PCDHGB3: variants seen among roughly 807,000 people sequenced by gnomAD.
PCDHGB3 encodes protocadherin gamma subfamily B, 3.
In PCDHGB3, 40 loss-of-function variants were observed where a neutral mutation model predicts 59.2. The observed-to-expected ratio is 0.68, with a 90% CI of 0.52 to 0.88. The LOEUF (loss-of-function observed/expected upper bound fraction) is 0.88, where lower values mean the gene tolerates loss of function less well. Among genes scored for constraint, PCDHGB3 ranks in the 40% least tolerant of loss-of-function variants. PCDHGB3 has a pLI of 0.00. For missense variants in PCDHGB3, 1,309 were observed against 1,187.9 expected (o/e 1.10, Z -1.50); for synonymous variants, 581 against 503.6 (o/e 1.15, Z -2.06).
intron 1 of PCDHGB3, among the ~76,000 whole-genome samples, chr5:141,474,644 C>G (rs1016496399): frequency 4.6e-5 from 7 of 152,180 alleles, no homozygotes; most frequent in Non-Finnish European, 1.0e-4. Flanking sequence ...CCTATATATC[C>G]TTACTTCTTT....
In PCDHGB3 at chr5:141,384,330, G is replaced by A. The variant is rs758151138; in HGVS notation, c.2415+11521G>A. 44 of 1,613,830 alleles carry A rather than the reference G, an allele frequency of 2.7e-5. No individual in the cohort carries two copies. The African/African-American group carries it at 2.8e-4, about 10-fold the overall frequency. On this transcript the variant is annotated intron_variant, in intron 1 of 3. Coordinates refer to ENST00000576222, the MANE Select transcript of PCDHGB3 (RefSeq NM_018924.5). ...CCTCCATTTTCTTAGTGACTGCACA[G>A]GACCACGACAGTGAGGATAATGCCC...
Position 141,476,873 on chromosome 5 carries a change from G to A in PCDHGB3, c.2416-17934G>A. 1.9e-6 allele frequency: 3 copies of A among 1,613,936 alleles called. No homozygotes were observed. Among genetic ancestry groups the A allele is most frequent in the Non-Finnish European group, 2.5e-6 (3 of 1,180,038 alleles). Reference sequence around the variant, plus strand: ...CAACCAGTCCTTGTACCGGGCGCGCGTCCTGGAGGATGCACCCTCCGGCAC... The same window carrying A: ...CAACCAGTCCTTGTACCGGGCGCGCATCCTGGAGGATGCACCCTCCGGCAC... On this transcript the variant is annotated intron_variant, in intron 1 of 3. Transcript: ENST00000576222. The surrounding 1 kb of genome is among the most constrained non-coding windows in gnomAD (Gnocchi z 7.6).
intron 1 of PCDHGB3, chr5:141,383,938 G>A: frequency 6.2e-7 from 1 of 1,613,866 alleles, no homozygotes; most frequent in Non-Finnish European, 8.5e-7. Context: ...TGCTCCAGAA[G>A]TGACTATGAC....
rs747671382 is a variant in PCDHGB3 at position 141,444,152 on chromosome 5, A to ATTTTTTTT, written c.2416-50626_2416-50619dup. ...GATATGTGTCACTTGTGTGTACTGG[A>ATTTTTTTT]TTTTTTTTTTTTTTTTTTTTTTTTT... On this transcript the variant is annotated intron_variant, in intron 1 of 3. Transcript: ENST00000576222. Among the ~76,000 whole-genome samples, 8 of 33,898 alleles carry ATTTTTTTT rather than the reference A, an allele frequency of 2.4e-4. 3 individuals are homozygous for ATTTTTTTT. Among genetic ancestry groups the ATTTTTTTT allele is most frequent in the African/African-American group, 5.6e-4 (4 of 7,184 alleles). The allele number at this position is 33,898 out of a possible 152,430, so 22.2% of individuals were successfully genotyped here.
intron 1 of PCDHGB3, among the ~76,000 whole-genome samples, chr5:141,459,095 G>A (rs61275874): frequency 0.28 from 42,440 of 152,066 alleles, 6,652 homozygotes; most frequent in African/African-American, 0.43. Context: ...ATTATACAGT[G>A]CAATGCATTT....
intron 1 of PCDHGB3, among the ~76,000 whole-genome samples, chr5:141,465,888 C>T (rs1031908926): frequency 5.3e-5 from 8 of 151,942 alleles, no homozygotes; most frequent in South Asian, 2.1e-4. Context: ...TTTGGGAGGC[C>T]GAGGCGGGCA....
In PCDHGB3 at chr5:141,421,044, C is replaced by A. The variant is rs556562994; in HGVS notation, c.2415+48235C>A. 5.5e-6 allele frequency: 3 copies of A among 548,610 alleles called. No individual in the cohort carries two copies. In the South Asian group the frequency reaches 8.2e-5, roughly 15 times the overall value. The allele number at this position is 548,610 out of a possible 1,614,324, so 34.0% of individuals were successfully genotyped here. A position where few individuals can be genotyped will look rare whatever the true frequency, so the allele number is the denominator to read the frequency against. ...CGCGCCATTGAGTCCCTCCCTCCCCCGCCTCTACCACACAAAGCGGAATGA... is the reference window on the plus strand; with the variant it reads ...CGCGCCATTGAGTCCCTCCCTCCCCAGCCTCTACCACACAAAGCGGAATGA... On this transcript the variant is annotated intron_variant, in intron 1 of 3. Transcript: ENST00000576222.
At position 141,476,683 on chromosome 5, in the gene PCDHGB3, C is replaced by T; in HGVS notation, c.2416-18124C>T. The T allele has an allele frequency of 1.9e-6, 3 of 1,614,242 alleles. No homozygotes were observed. Among genetic ancestry groups the T allele is most frequent in the Non-Finnish European group, 2.5e-6 (3 of 1,180,052 alleles). ...CGCTTCGCGTGCAGACGCGGGAGGA[C>T]AGCACCAAGTACGCGGAGCTGGTGT... On this transcript the variant is annotated intron_variant, in intron 1 of 3. Coordinates refer to ENST00000576222, the MANE Select transcript of PCDHGB3 (RefSeq NM_018924.5). The surrounding 1 kb of genome is among the most constrained non-coding windows in gnomAD (Gnocchi z 7.6).
intron 1 of PCDHGB3, chr5:141,442,419 T>TG (rs1214499832): frequency 1.3e-5 from 2 of 152,192 alleles, no homozygotes; most frequent in African/African-American, 4.8e-5. Context: ...AGTGAACTTC[T>TG]TTTTTGAATC....
At chr5:141,374,221 C>T (rs1290951545) in intron 1 of PCDHGB3, 12 of 1,613,878 alleles carry the variant, frequency 7.4e-6, no homozygotes, top group African/African-American at 6.7e-5. Flanking sequence ...CCTTCGTAGG[C>T]AACATCGTCA....
chr5:141,476,146 G>C lies in PCDHGB3; in HGVS notation c.2416-18661G>C. 1 of 1,611,402 alleles carries C rather than the reference G, an allele frequency of 6.2e-7. No individual in the cohort carries two copies. On this transcript the variant is annotated intron_variant, in intron 1 of 3. Transcript: ENST00000576222. This position sits in a 1 kb window ranked among gnomAD's most constrained non-coding sequence, Gnocchi z 7.6. ...TCCCAGAGGCCTGGAGGAGCGGACT[G>C]GTAAGCACCGGGAGGGTAGTGGGAG...
In PCDHGB3 at chr5:141,370,501, C is replaced by T; in HGVS notation, c.107C>T (p.Ala36Val). ...GCTCTCTCCGAACCGATCCGCTACG[C>T]TATTCCCGAGGAGCTGGACAGGGGC... is the stretch of plus-strand genomic sequence containing the variant. ...DQALSEPIRY[A>V]IPEELDRGSL... is the part of the protein sequence containing the mutation. Residue 36 changes from alanine (A) to valine (V), a missense_variant, in exon 1 of 4, where the codon GCT becomes GTT. Transcript: ENST00000576222. 1 of 1,613,952 alleles carries T rather than the reference C, an allele frequency of 6.2e-7. No individual in the cohort carries two copies. Among genetic ancestry groups the T allele is most frequent in the Non-Finnish European group, 8.5e-7 (1 of 1,179,880 alleles).
chr5:141,465,448 A>G (rs2099103302), intron 1 of PCDHGB3, among the ~76,000 whole-genome samples: 2 of 152,192 alleles, frequency 1.3e-5, no homozygotes, highest in Admixed American at 1.3e-4. Flanking sequence ...TTACCCAAGA[A>G]AACTCTCACC....
chr5:141,417,659 A>G, intron 1 of PCDHGB3: 1 of 869,514 alleles, frequency 1.2e-6, no homozygotes, highest in Non-Finnish European at 1.7e-6. Context: ...CTAGCCTGGG[A>G]TTCCCTGCGC....
chr5:141,472,009 G>A (rs917861040), intron 1 of PCDHGB3, among the ~76,000 whole-genome samples: 11 of 152,074 alleles, frequency 7.2e-5, no homozygotes, highest in African/African-American at 2.7e-4. Flanking sequence ...TCGTATAGGG[G>A]CACTATATTG....
rs759160174 is a variant in PCDHGB3, at chr5:141,385,062, G to T, written c.2415+12253G>T. 2.1e-5 allele frequency: 34 copies of T among 1,614,044 alleles called. No homozygotes were observed. In the South Asian group the frequency reaches 3.4e-4, roughly 16 times the overall value. On this transcript the variant is annotated intron_variant, in intron 1 of 3. Transcript: ENST00000576222. ...CGCTCAGGCTGCGGCGCTGGCACAA[G>T]TCACGCCTGCTGCAGGCTTCAGAAG... is the stretch of plus-strand genomic sequence containing the variant.
chr5:141,496,215 T>C (rs2099767024), intron 2 of PCDHGB3, among the ~76,000 whole-genome samples: 3 of 152,114 alleles, frequency 2.0e-5, no homozygotes, highest in Non-Finnish European at 4.4e-5. Context: ...TATGAATTCC[T>C]GCTGAGACAG....
chr5:141,477,157 C>G lies in PCDHGB3; in HGVS notation c.2416-17650C>G. ...TGGTGGAGGTTGTGGATGTGAATGA[C>G]AACGCCCCGGAGATCACAGTCACCT... is the stretch of plus-strand genomic sequence containing the variant. On this transcript the variant is annotated intron_variant, in intron 1 of 3. Transcript: ENST00000576222. This position sits in a 1 kb window ranked among gnomAD's most constrained non-coding sequence, Gnocchi z 4.9. 1 of 1,614,182 alleles carries G rather than the reference C, an allele frequency of 6.2e-7. No individual in the cohort carries two copies. Among genetic ancestry groups the G allele is most frequent in the Non-Finnish European group, 8.5e-7 (1 of 1,180,038 alleles).
At chr5:141,458,217 T>C (rs1026901943) in intron 1 of PCDHGB3, among the ~76,000 whole-genome samples, 1 of 152,210 alleles carries the variant, frequency 6.6e-6, no homozygotes, top group Admixed American at 6.5e-5. Context: ...AAAATAAGTT[T>C]CCTTTCCCAG....
Sources: allele counts gnomAD v4.1 joint callset (sites outside exome capture counted in the v4.1 genomes callset), GRCh38; gene constraint gnomAD v4.1.1; non-coding constraint Gnocchi (gnomAD v3.1); transcripts MANE v1.5; gene names NCBI Gene and HGNC (gene_info 2026-07-23, HGNC 2026-07-21).